Variants in CFH observed in about 807,000 individuals in gnomAD.
CFH encodes H factor 1 (complement).
In CFH, 53 loss-of-function variants were observed where a neutral mutation model predicts 147.3. That is an observed-to-expected ratio of 0.36 (90% CI 0.29 to 0.45). The LOEUF (loss-of-function observed/expected upper bound fraction) is 0.45, where lower values mean the gene tolerates loss of function less well. Among genes scored for constraint, CFH ranks in the 20% least tolerant of loss-of-function variants. The probability of loss-of-function intolerance (pLI) is 1.00; values close to 1 mark genes in which losing one functional copy is unlikely to be tolerated. For synonymous variants in CFH, 536 were observed against 489.4 expected (o/e 1.10, Z -1.26); for missense variants, 1,380 against 1,498.0 (o/e 0.92, Z 1.30).
chr1:196,690,712 C>A (rs115715815), intron 9 of CFH, among the ~76,000 whole-genome samples: 1 of 152,202 alleles, frequency 6.6e-6, no homozygotes, highest in Non-Finnish European at 1.5e-5. Context: ...GTGGAGTGCA[C>A]TGGATTTTAT....
Position 196,685,161 on chromosome 1 carries a change from T to C in CFH, c.888T>C (p.Asn296=), listed in dbSNP as rs762651612. The C allele has an allele frequency of 1.9e-6, 3 of 1,613,132 alleles. No individual in the cohort carries two copies. Among genetic ancestry groups the C allele is most frequent in the Non-Finnish European group, 2.5e-6 (3 of 1,179,398 alleles). ...TGDEITYQCR[N]GFYPATRGNT... is the part of the protein sequence containing the mutation. ...ATGAAATCACGTACCAGTGTAGAAA[T>C]GGTTTTTATCCTGCAACCCGGGGAA... is the stretch of plus-strand genomic sequence containing the variant. The change falls in exon 7 of 22, where the codon AAT becomes AAC. Residue 296 remains asparagine (N), a synonymous_variant. Coordinates refer to ENST00000367429, the MANE Select transcript of CFH (RefSeq NM_000186.4).
At chr1:196,718,501 G>C (rs1668924559) in intron 11 of CFH, among the ~76,000 whole-genome samples, 1 of 152,030 alleles carries the variant, frequency 6.6e-6, no homozygotes, top group African/African-American at 2.4e-5. Flanking sequence ...TTTAGTGGAG[G>C]AGAGAGACAT....
At chr1:196,707,409 C>T (rs1360573116) in intron 9 of CFH, among the ~76,000 whole-genome samples, 1 of 152,198 alleles carries the variant, frequency 6.6e-6, no homozygotes, top group Non-Finnish European at 1.5e-5. Context: ...AACTACTATT[C>T]ACGAGTTTGT....
At chr1:196,669,774 C>T (rs186845276) in intron 1 of CFH, among the ~76,000 whole-genome samples, 4 of 152,338 alleles carry the variant, frequency 2.6e-5, no homozygotes, top group East Asian at 3.9e-4. Flanking sequence ...ACACAGAGGT[C>T]CCAGTGGGGC....
chr1:196,733,520 A>G (rs547263878), intron 15 of CFH, among the ~76,000 whole-genome samples: 2 of 152,202 alleles, frequency 1.3e-5, no homozygotes, highest in African/African-American at 4.8e-5. Context: ...TTTTGAGGAT[A>G]AACAGGGGAG....
intron 11 of CFH, 32 bp from the exon 12 acceptor site, chr1:196,725,089 T>G: frequency 1.3e-6 from 2 of 1,569,210 alleles, no homozygotes; most frequent in Non-Finnish European, 1.7e-6. Context: ...ATTAATTATA[T>G]ATTCTCATGA....
intron 17 of CFH, among the ~76,000 whole-genome samples, chr1:196,739,175 G>A (rs182093678): frequency 6.6e-6 from 1 of 152,270 alleles, no homozygotes; most frequent in East Asian, 1.9e-4. Context: ...TTTCCCTCCT[G>A]GGCTTCTGGG....
At chr1:196,727,033 T>C (rs978476319) in intron 14 of CFH, 93 bp downstream of exon 14, 1 of 1,131,594 alleles carries the variant, frequency 8.8e-7, no homozygotes. Flanking sequence ...AATTTACAGA[T>C]ATGCCTCAAC....
intron 9 of CFH, among the ~76,000 whole-genome samples, chr1:196,695,984 T>C (rs991871181): frequency 1.3e-5 from 2 of 152,136 alleles, no homozygotes; most frequent in Non-Finnish European, 2.9e-5. Context: ...CCTATTTGAA[T>C]ACTCCTTATT....
chr1:196,683,881 T>C lies in CFH; in HGVS notation c.791-1183T>C, dbSNP rs557977938. Among the ~76,000 whole-genome samples, 4 of 151,850 alleles carry C rather than the reference T, an allele frequency of 2.6e-5. No individual in the cohort carries two copies. The East Asian group carries it at 7.8e-4, about 29-fold the overall frequency. On this transcript the variant is annotated intron_variant, in intron 6 of 21. Coordinates refer to ENST00000367429, the MANE Select transcript of CFH (RefSeq NM_000186.4). Reference sequence around the variant, plus strand: ...TGGCTTGAGAAAAGAGAGGAGACTATGGATCATTTACCATGGGAAATCAAA... The same window carrying C: ...TGGCTTGAGAAAAGAGAGGAGACTACGGATCATTTACCATGGGAAATCAAA...
At chr1:196,704,125 T>C (rs1437801586) in intron 9 of CFH, among the ~76,000 whole-genome samples, 1 of 152,064 alleles carries the variant, frequency 6.6e-6, no homozygotes, top group African/African-American at 2.4e-5. Context: ...TCGCCCAGGC[T>C]GGACTGTGGT....
chr1:196,713,667 A>T (rs970465919), intron 9 of CFH, 68 bp from the exon 10 acceptor site: 9 of 985,700 alleles, frequency 9.1e-6, no homozygotes, highest in Non-Finnish European at 1.2e-5. Context: ...ATATTTACAT[A>T]TTACTTAAAT....
At chr1:196,708,344 T>C (rs545423050) in intron 9 of CFH, among the ~76,000 whole-genome samples, 1 of 152,266 alleles carries the variant, frequency 6.6e-6, no homozygotes, top group Non-Finnish European at 1.5e-5. Context: ...CATGGCTACT[T>C]TCCAGGTCCA....
intron 15 of CFH, among the ~76,000 whole-genome samples, chr1:196,730,997 T>A (rs1437139479): frequency 2.0e-5 from 3 of 151,890 alleles, no homozygotes; most frequent in Non-Finnish European, 2.9e-5. Flanking sequence ...GTAAGCAGTT[T>A]ATAATTGGAT....
At chr1:196,746,338 C>G (rs1653003602) in intron 21 of CFH, among the ~76,000 whole-genome samples, 2 of 152,248 alleles carry the variant, frequency 1.3e-5, no homozygotes, top group African/African-American at 4.8e-5. Context: ...GTAGTCCCAG[C>G]TAGTCGGGAG....
intron 1 of CFH, 58 bp downstream of exon 1, chr1:196,652,233 G>C: frequency 7.7e-7 from 1 of 1,299,002 alleles, no homozygotes; most frequent in Non-Finnish European, 1.1e-6. Context: ...TGCTAATGAT[G>C]CTTTTCACAG....
chr1:196,711,468 AT>A (rs141927228), intron 9 of CFH, among the ~76,000 whole-genome samples: 8 of 151,238 alleles, frequency 5.3e-5, no homozygotes, highest in Admixed American at 1.3e-4. Flanking sequence ...CAAAATGTGG[AT>A]TTTTTTTTAA....
chr1:196,663,281 A>C (rs1376201047), intron 1 of CFH, among the ~76,000 whole-genome samples: 1 of 152,062 alleles, frequency 6.6e-6, no homozygotes, highest in African/African-American at 2.4e-5. Context: ...GTGTGTCTCC[A>C]TGTTGCATCC....
At chr1:196,697,248 T>C (rs1267361910) in intron 9 of CFH, among the ~76,000 whole-genome samples, 7 of 152,052 alleles carry the variant, frequency 4.6e-5, no homozygotes, top group Admixed American at 3.3e-4. Context: ...ATTTTTGCAA[T>C]CTACTCATCT....
Sources: allele counts gnomAD v4.1 joint callset (sites outside exome capture counted in the v4.1 genomes callset), GRCh38; gene constraint gnomAD v4.1.1; transcripts MANE v1.5; gene names NCBI Gene and HGNC (gene_info 2026-07-23, HGNC 2026-07-21).